SSC5D: variants seen among roughly 807,000 people sequenced by gnomAD.
SSC5D encodes scavenger receptor cysteine rich family member with 5 domains, also known as soluble scavenger receptor cysteine-rich domain-containing protein SSC5D.
SSC5D carries 106 observed loss-of-function variants against 104.6 expected under a neutral mutation model. The ratio of observed to expected loss-of-function variants is 1.01; its 90% CI spans 0.87 to 1.19. The LOEUF is 1.19. Ranked by LOEUF, SSC5D falls within the 50% of genes most tolerant of loss-of-function variation. The pLI is 0.00. For synonymous variants in SSC5D, 860 were observed against 883.5 expected (o/e 0.97, Z 0.47); for missense variants, 1,993 against 2,153.8 (o/e 0.93, Z 1.48).
rs909899326 is a variant in SSC5D, at chr19:55,493,686, T to G, written c.987T>G (p.Cys329Trp). Residue 329 changes from cysteine (C) to tryptophan (W), a missense_variant, in exon 7 of 14, where the codon TGT (cysteine) becomes TGG (tryptophan). Cys to Trp is a radical substitution (Grantham distance 215). Transcript: ENST00000389623. Reference protein sequence around the residue: ...VWHGGRWGSVCDDAWDLRDAA... With the variant: ...VWHGGRWGSVWDDAWDLRDAA... The stretch of plus-strand genomic sequence containing the variant: ...ACGGGGGTCGCTGGGGGTCGGTGTG[T>G]GACGACGCCTGGGACCTGCGAGACG... The G allele has an allele frequency of 6.6e-7, 1 of 1,510,560 alleles. No individual in the cohort carries two copies. Among genetic ancestry groups the G allele is most frequent in the African/African-American group, 1.4e-5 (1 of 70,434 alleles). 93.6% of individuals were successfully genotyped at this position (1,510,560 alleles called of 1,614,324 possible).
chr19:55,513,809 C>T (rs1350825029), intron 13 of SSC5D, among the ~76,000 whole-genome samples: 1 of 152,098 alleles, frequency 6.6e-6, no homozygotes, highest in Non-Finnish European at 1.5e-5. Context: ...TACAATAGTA[C>T]CGAGGTTGAG....
intron 8 of SSC5D, among the ~76,000 whole-genome samples, chr19:55,495,422 T>G (rs1441153888): frequency 6.8e-6 from 1 of 146,308 alleles, no homozygotes. Flanking sequence ...TTTGCAGAGA[T>G]GGGGTTTGCC....
At chr19:55,489,068 C>CA in intron 2 of SSC5D, 36 bp downstream of exon 2, 1 of 1,068,254 alleles carries the variant, frequency 9.4e-7, no homozygotes, top group East Asian at 4.7e-5. Context: ...GCCCGCCCCC[C>CA]CCCCCAGGCC....
In SSC5D at chr19:55,494,716, A is replaced by G; in HGVS notation, c.1320A>G (p.Pro440=). The change falls in exon 8 of 14, where the codon CCA becomes CCG. Residue 440 remains proline (P), a synonymous_variant. Transcript: ENST00000389623. The stretch of plus-strand genomic sequence containing the variant: ...CGTCCACCATGACGAGCCAGGCTCC[A>G]GGGACGGCAGGCGTTTCACCTCCTC... ...RPPSTMTSQA[P]GTAGVSPPPA... 6.5e-7 allele frequency: 1 copy of G among 1,550,380 alleles called. No individual in the cohort carries two copies. Among genetic ancestry groups the G allele is most frequent in the Non-Finnish European group, 8.7e-7 (1 of 1,146,682 alleles).
Position 55,517,657 on chromosome 19 carries a change from G to A in SSC5D, c.3381G>A (p.Leu1127=). 6.4e-7 allele frequency: 1 copy of A among 1,551,434 alleles called. No homozygotes were observed. The highest frequency in any genetic ancestry group is 8.7e-7 in the Non-Finnish European group (1 of 1,146,976). ...CAGAATCTGACACAACCCCAGATTT[G>A]GACACAACTCCATACTCCAGTACAG... is the stretch of plus-strand genomic sequence containing the variant. ...QVPESDTTPD[L]DTTPYSSTVS... The change falls in exon 14 of 14, where the codon TTG becomes TTA. Residue 1127 remains leucine (L), a synonymous_variant. Transcript: ENST00000389623.
chr19:55,503,405 TC>T lies in SSC5D; in HGVS notation c.2785+2206del, dbSNP rs376388460. 2.0e-5 allele frequency among the ~76,000 whole-genome samples: 3 copies of T among 152,244 alleles called. No homozygotes were observed. In the East Asian group the frequency reaches 5.8e-4, roughly 29 times the overall value. ...CCAGGCCCAGCGCTGTGGTATCTTT[TC>T]CTTTGTCTCTTACGGTTGTTTTCTG... On this transcript the variant is annotated intron_variant, in intron 12 of 13. Coordinates refer to ENST00000389623, the MANE Select transcript of SSC5D (RefSeq NM_001144950.2). The surrounding 1 kb of genome is among the most constrained non-coding windows in gnomAD (Gnocchi z 4.0).
At chr19:55,495,203 G>T (rs1173670941) in intron 8 of SSC5D, among the ~76,000 whole-genome samples, 1 of 95,520 alleles carries the variant, frequency 1.0e-5, no homozygotes, top group Non-Finnish European at 2.0e-5. Flanking sequence ...CAATGGTTCT[G>T]CCTGCCTCCT....
chr19:55,494,783 G>C lies in SSC5D; in HGVS notation c.1387G>C (p.Gly463Arg). The change falls in exon 8 of 14, where the codon GGG becomes CGG. Residue 463 changes from glycine to arginine, a missense_variant and splice_region_variant. Around this residue, in one of 6 missense-constraint regions of SSC5D, gnomAD observed 1,101 missense variants for 1,085.0 expected, o/e 1.01. Coordinates refer to ENST00000389623, the MANE Select transcript of SSC5D (RefSeq NM_001144950.2). ...TVLWEPGPEA[G>R]SPQLRLVAGP... The stretch of plus-strand genomic sequence containing the variant: ...CCTTTGGGAGCCTGGACCGGAAGCC[G>C]GTGAGTCCCTCCATGCTCCCCAAGA... The C allele has an allele frequency of 6.5e-7, 1 of 1,539,840 alleles. No individual in the cohort carries two copies. Among genetic ancestry groups the C allele is most frequent in the Non-Finnish European group, 8.8e-7 (1 of 1,140,126 alleles).
At chr19:55,516,429 G>A (rs1432486341) in intron 13 of SSC5D, among the ~76,000 whole-genome samples, 2 of 151,542 alleles carry the variant, frequency 1.3e-5, no homozygotes, top group East Asian at 3.9e-4. Flanking sequence ...CCCGGGAGGC[G>A]GAGCTTGCAG....
rs112596892 is a variant in SSC5D at position 55,503,229 on chromosome 19, C to T, written c.2785+2028C>T. Among the ~76,000 whole-genome samples, 1,198 of 152,298 alleles carry T rather than the reference C, an allele frequency of 7.9e-3. 14 individuals carry two copies. Among genetic ancestry groups the T allele is most frequent in the African/African-American group, 0.028 (1,153 of 41,542 alleles). On this transcript the variant is annotated intron_variant, in intron 12 of 13. Transcript: ENST00000389623. The surrounding 1 kb of genome is among the most constrained non-coding windows in gnomAD (Gnocchi z 4.0). ...GTGCTGGAATTGCAGGCGGGAGCCA[C>T]TGGGCCCAAACTGTTTCTGTATCTT...
chr19:55,499,229 C>G (rs778585361), intron 9 of SSC5D, among the ~76,000 whole-genome samples: 2 of 152,190 alleles, frequency 1.3e-5, no homozygotes, highest in African/African-American at 4.8e-5. Flanking sequence ...GGGGAAAAGG[C>G]GAAACCTTTC....
intron 12 of SSC5D, among the ~76,000 whole-genome samples, chr19:55,508,265 C>G (rs1987681805): frequency 6.6e-6 from 1 of 152,150 alleles, no homozygotes; most frequent in African/African-American, 2.4e-5. Context: ...GAGACCCGTG[C>G]TTGGGGTATC....
Position 55,517,599 on chromosome 19 carries a change from T to C in SSC5D, c.3323T>C (p.Val1108Ala). 2 of 1,551,506 alleles carry C rather than the reference T, an allele frequency of 1.3e-6. No homozygotes were observed. The highest frequency in any genetic ancestry group is 8.7e-7 in the Non-Finnish European group (1 of 1,147,028). The change falls in exon 14 of 14, where the codon GTG becomes GCG. Residue 1108 changes from valine to alanine, a missense_variant. Physicochemically the swap from Val to Ala is moderately conservative, Grantham distance 64 (BLOSUM62 0). This residue lies in a region of SSC5D where 423 missense variants were observed against 409.2 expected (regional missense o/e 1.03). Coordinates refer to ENST00000389623, the MANE Select transcript of SSC5D (RefSeq NM_001144950.2). ...LTSDPSTPSE[V>A]TSLSPTSEQV... Reference sequence around the variant, plus strand: ...TCTGACCCTTCTACACCGTCGGAGGTGACCAGCCTTTCCCCTACCTCAGAG... The same window carrying C: ...TCTGACCCTTCTACACCGTCGGAGGCGACCAGCCTTTCCCCTACCTCAGAG...
At position 55,500,702 on chromosome 19, in the gene SSC5D, A is replaced by T. The variant is rs574817101; in HGVS notation, c.2515A>T (p.Met839Leu). ...PGTGPIWLDD[M>L]GCKGSEASLS... is the part of the protein sequence containing the mutation. The stretch of plus-strand genomic sequence containing the variant: ...GACTGGGCCCATCTGGCTGGATGAC[A>T]TGGGCTGTAAGGGAAGCGAGGCCTC... Residue 839 changes from methionine to leucine, a missense_variant, in exon 11 of 14, where the codon ATG becomes TTG. This residue lies in a region of SSC5D where 70 missense variants were observed against 107.1 expected (regional missense o/e 0.65). Coordinates refer to ENST00000389623, the MANE Select transcript of SSC5D (RefSeq NM_001144950.2). The surrounding 1 kb of genome is among the most constrained non-coding windows in gnomAD (Gnocchi z 4.6). 4.5e-6 allele frequency: 7 copies of T among 1,551,644 alleles called. No homozygotes were observed. The South Asian group carries it at 8.3e-5, about 18-fold the overall frequency.
At position 55,489,886 on chromosome 19, in the gene SSC5D, GCGT is replaced by G; in HGVS notation, c.367_369del (p.Arg123del). On this transcript the variant is annotated inframe_deletion, in exon 4 of 14. Transcript: ENST00000389623. ...GTCCCTGCCCCCCCGCCGCAGGTCA[GCGT>G]GTGGCTAACTCCAGGGACGACTCAA... The G allele has an allele frequency of 6.5e-7, 1 of 1,549,040 alleles. No homozygotes were observed. Among genetic ancestry groups the G allele is most frequent in the Non-Finnish European group, 8.7e-7 (1 of 1,146,084 alleles).
intron 12 of SSC5D, among the ~76,000 whole-genome samples, chr19:55,507,339 CAAA>C (rs36021371): frequency 3.1e-5 from 1 of 32,762 alleles, no homozygotes; most frequent in Non-Finnish European, 5.7e-5. Context: ...GACCCCGTCT[CAAA>C]AAAAAAAAAA....
chr19:55,495,234 T>TATATATATATATATATATATATATA (rs56232242), intron 8 of SSC5D, among the ~76,000 whole-genome samples: 15 of 22,220 alleles, frequency 6.8e-4, no homozygotes, highest in East Asian at 1.9e-3. Flanking sequence ...TATATATATA[T>TATATATATATATATATATATATATA]TTTTTTTTTT....
In SSC5D at chr19:55,518,125, C is replaced by T. The variant is rs1276308495; in HGVS notation, c.3849C>T (p.Pro1283=). The T allele has an allele frequency of 6.1e-6, 9 of 1,466,078 alleles. No individual in the cohort carries two copies. In the East Asian group the frequency reaches 8.0e-5, roughly 13 times the overall value. 90.8% of individuals were successfully genotyped at this position (1,466,078 alleles called of 1,614,324 possible). Residue 1283 remains proline, a synonymous_variant, in exon 14 of 14, where the codon CCC becomes CCT. Coordinates refer to ENST00000389623, the MANE Select transcript of SSC5D (RefSeq NM_001144950.2). Reference sequence around the variant, plus strand: ...CTCATCCCACCACGACCCCTCACCCCACCACGACTCCTCACCCCACCACAA... The same window carrying T: ...CTCATCCCACCACGACCCCTCACCCTACCACGACTCCTCACCCCACCACAA... ...TMPHPTTTPH[P]TTTPHPTTTP...
chr19:55,494,822 C>A (rs1434399761), intron 8 of SSC5D, 39 bp downstream of exon 8: 16 of 1,493,976 alleles, frequency 1.1e-5, no homozygotes, highest in Non-Finnish European at 1.4e-5. Flanking sequence ...CAGGGTCCTT[C>A]CTTCTGTTTC....
Sources: gnomAD v4.1 joint callset for allele counts (sites outside exome capture counted in the v4.1 genomes callset) on GRCh38, gnomAD v4.1.1 for gene constraint, gnomAD v4.1.1 regional missense constraint, Gnocchi (gnomAD v3.1) non-coding constraint, MANE v1.5 for transcripts, NCBI Gene and HGNC (gene_info 2026-07-23, HGNC 2026-07-21) for gene names.